The following RCAN2 variants were observed in gnomAD, a reference collection of about 807,000 sequenced individuals.
RCAN2 encodes calcipressin-2.
RCAN2 carries 9 observed loss-of-function variants against 23.6 expected under a neutral mutation model. The ratio of observed to expected loss-of-function variants is 0.38; its 90% CI spans 0.23 to 0.67. The LOEUF is 0.67. RCAN2 is among the 30% of genes least tolerant of loss of function. The pLI, the probability that RCAN2 is intolerant of heterozygous loss-of-function variation, is 0.51. For synonymous variants in RCAN2, 109 were observed against 115.7 expected (o/e 0.94, Z 0.37); for missense variants, 273 against 302.3 (o/e 0.90, Z 0.72).
chr6:46,425,323 C>T (rs559484404), intron 2 of RCAN2, among the ~76,000 whole-genome samples: 1 of 152,322 alleles, frequency 6.6e-6, no homozygotes, highest in East Asian at 1.9e-4. Context: ...GCAATGACAT[C>T]ACCACACATC....
intron 2 of RCAN2, among the ~76,000 whole-genome samples, chr6:46,289,610 A>G (rs888265471): frequency 2.0e-5 from 3 of 152,222 alleles, no homozygotes; most frequent in African/African-American, 7.2e-5. Flanking sequence ...CATTCCCACC[A>G]AGCATCTAAG....
At chr6:46,240,113 T>C (rs1766251990) in intron 4 of RCAN2, among the ~76,000 whole-genome samples, 1 of 152,030 alleles carries the variant, frequency 6.6e-6, no homozygotes, top group African/African-American at 2.4e-5. Flanking sequence ...GTGAGCTGGG[T>C]CCTCCCTGGG....
At chr6:46,321,651 G>A (rs1257949161) in intron 2 of RCAN2, among the ~76,000 whole-genome samples, 2 of 152,184 alleles carry the variant, frequency 1.3e-5, no homozygotes, top group Non-Finnish European at 2.9e-5. Flanking sequence ...GCAGAGAAGG[G>A]GCAGCCCCAG....
At chr6:46,325,769 G>T (rs1763777130) in intron 2 of RCAN2, 1 of 1,160,130 alleles carries the variant, frequency 8.6e-7, no homozygotes. Context: ...TCTAGGCAGT[G>T]CAGTGGAGCA....
chr6:46,472,384 T>C lies in RCAN2; in HGVS notation c.-2-15406A>G, dbSNP rs565430775. 5.9e-5 allele frequency among the ~76,000 whole-genome samples: 9 copies of C among 152,342 alleles called. No homozygotes were observed. The South Asian group carries it at 1.7e-3, about 28-fold the overall frequency. On this transcript the variant is annotated intron_variant, in intron 1 of 4. Transcript: ENST00000371374. ...ACTTCCTTTTAATAGCAATGGTCTG[T>C]AACATATCGCTATATTTAGGTACCC... is the stretch of plus-strand genomic sequence containing the variant.
At position 46,335,470 on chromosome 6, in the gene RCAN2, C is replaced by A. The variant is rs546099145; in HGVS notation, c.226-86574G>T. 2.0e-5 allele frequency among the ~76,000 whole-genome samples: 3 copies of A among 152,224 alleles called. No homozygotes were observed. In the South Asian group the frequency reaches 6.2e-4, roughly 32 times the overall value. ...TGTTCAATACACACACAAGGACAAA[C>A]CTAGATTAAATAACAAAGGACAATA... On this transcript the variant is annotated intron_variant, in intron 2 of 4. Coordinates refer to ENST00000371374, the MANE Select transcript of RCAN2 (RefSeq NM_001251974.2).
chr6:46,341,201 A>G (rs9349355), intron 2 of RCAN2, among the ~76,000 whole-genome samples: 64,122 of 152,044 alleles, frequency 0.42, 14,963 homozygotes, highest in East Asian at 0.6. Flanking sequence ...CCAATGCCCT[A>G]TACTTTAAAA....
intron 3 of RCAN2, among the ~76,000 whole-genome samples, chr6:46,247,418 C>A (rs192045650): frequency 6.6e-6 from 1 of 152,316 alleles, no homozygotes; most frequent in East Asian, 1.9e-4. Flanking sequence ...GCAACAACCA[C>A]TTCTATCCAG....
chr6:46,366,106 C>T (rs1367478602), intron 2 of RCAN2, among the ~76,000 whole-genome samples: 1 of 152,202 alleles, frequency 6.6e-6, no homozygotes, highest in African/African-American at 2.4e-5. Flanking sequence ...GGGATTGTAA[C>T]TACTATTTCC....
At chr6:46,406,073 A>G (rs567168604) in intron 2 of RCAN2, among the ~76,000 whole-genome samples, 43 of 152,240 alleles carry the variant, frequency 2.8e-4, no homozygotes, top group Non-Finnish European at 4.1e-4. Flanking sequence ...GGGGCCCGCC[A>G]AGCCCACGCC....
chr6:46,436,793 C>CAT (rs1364028971), intron 2 of RCAN2, among the ~76,000 whole-genome samples: 14 of 152,120 alleles, frequency 9.2e-5, no homozygotes, highest in African/African-American at 3.1e-4. Context: ...GATGCTAAGG[C>CAT]CCTCTCTCTC....
intron 2 of RCAN2, among the ~76,000 whole-genome samples, chr6:46,385,371 A>G (rs1765713464): frequency 6.6e-6 from 1 of 152,230 alleles, no homozygotes; most frequent in African/African-American, 2.4e-5. Context: ...ATCACTATAA[A>G]TACTATTCAG....
intron 2 of RCAN2, among the ~76,000 whole-genome samples, chr6:46,379,367 A>C (rs562664101): frequency 6.6e-6 from 1 of 152,274 alleles, no homozygotes; most frequent in East Asian, 1.9e-4. Flanking sequence ...GAGGGTTTTG[A>C]AAGCACGGCT....
intron 1 of RCAN2, among the ~76,000 whole-genome samples, chr6:46,473,254 C>T (rs547576572): frequency 2.0e-4 from 30 of 152,276 alleles, no homozygotes; most frequent in Non-Finnish European, 3.5e-4. Context: ...CAATATCTTA[C>T]GGTATACTGT....
intron 2 of RCAN2, among the ~76,000 whole-genome samples, chr6:46,447,580 G>A (rs1430345045): frequency 1.3e-5 from 2 of 151,748 alleles, no homozygotes; most frequent in African/African-American, 4.8e-5. Context: ...ATATTCTCTA[G>A]GATAGATCAT....
chr6:46,453,968 C>T (rs375587067), intron 2 of RCAN2, among the ~76,000 whole-genome samples: 202 of 152,306 alleles, frequency 1.3e-3, no homozygotes, highest in African/African-American at 4.6e-3. Context: ...ATGTCTCCAC[C>T]CCCTGCTATA....
At chr6:46,227,750 A>C (rs1765724293) in intron 4 of RCAN2, among the ~76,000 whole-genome samples, 1 of 152,028 alleles carries the variant, frequency 6.6e-6, no homozygotes, top group Non-Finnish European at 1.5e-5. Context: ...GGATTCATTA[A>C]TTTTTTGAAG....
chr6:46,311,031 T>C (rs1763242890), intron 2 of RCAN2, among the ~76,000 whole-genome samples: 1 of 152,164 alleles, frequency 6.6e-6, no homozygotes. Context: ...ACCTACATGC[T>C]TTAGGTACAT....
At chr6:46,406,006 C>T (rs1327902767) in intron 2 of RCAN2, among the ~76,000 whole-genome samples, 1 of 152,238 alleles carries the variant, frequency 6.6e-6, no homozygotes, top group Non-Finnish European at 1.5e-5. Flanking sequence ...GCCACTGGCC[C>T]GGGTGCTAAG....
Sources: allele counts gnomAD v4.1 joint callset (sites outside exome capture counted in the v4.1 genomes callset), GRCh38; gene constraint gnomAD v4.1.1; transcripts MANE v1.5; gene names NCBI Gene and HGNC (gene_info 2026-07-23, HGNC 2026-07-21).